Variants in SYT9 observed in about 807,000 individuals in gnomAD.
The protein encoded by SYT9 is synaptotagmin-9.
SYT9 carries 22 observed loss-of-function variants against 48.4 expected under a neutral mutation model. The observed-to-expected ratio is 0.45, with a 90% confidence interval of 0.32 to 0.65. SYT9 has a LOEUF of 0.65. Ranked by LOEUF, SYT9 falls within the 30% of genes least tolerant of loss-of-function variation. The pLI, the probability that SYT9 is intolerant of heterozygous loss-of-function variation, is 0.03. For synonymous variants in SYT9, 265 were observed against 245.0 expected, an observed-to-expected ratio of 1.08 and a Z score of -0.76; for missense variants, 577 against 622.0, an observed-to-expected ratio of 0.93 and a Z score of 0.77.
chr11:7,294,585 G>A (rs1365018700), intron 1 of SYT9, among the ~76,000 whole-genome samples: 2 of 152,196 alleles, frequency 1.3e-5, no homozygotes, highest in African/African-American at 4.8e-5. Context: ...AGAGGTAACA[G>A]GTCCTGGGTA....
At chr11:7,323,190 T>C (rs1224848570) in intron 3 of SYT9, among the ~76,000 whole-genome samples, 2 of 152,138 alleles carry the variant, frequency 1.3e-5, no homozygotes, top group Admixed American at 6.6e-5. Context: ...TGCAGGAATT[T>C]CTGTAAAGTA....
chr11:7,400,081 C>A (rs1431615136), intron 3 of SYT9, among the ~76,000 whole-genome samples: 1 of 152,158 alleles, frequency 6.6e-6, no homozygotes, highest in Non-Finnish European at 1.5e-5. Context: ...GCCATGTGGT[C>A]AGGGTATGCT....
chr11:7,358,853 ATTT>A (rs547144942), intron 3 of SYT9, among the ~76,000 whole-genome samples: 1 of 151,288 alleles, frequency 6.6e-6, no homozygotes, highest in East Asian at 1.9e-4. Flanking sequence ...ATTTCTTCAG[ATTT>A]TTTTTTATTA....
chr11:7,395,161 A>G (rs549545793), intron 3 of SYT9, among the ~76,000 whole-genome samples: 1 of 152,044 alleles, frequency 6.6e-6, no homozygotes, highest in African/African-American at 2.4e-5. Context: ...CTTATCCCTC[A>G]CCCACCTCCC....
intron 3 of SYT9, among the ~76,000 whole-genome samples, chr11:7,367,971 G>C (rs543334980): frequency 6.6e-6 from 1 of 152,132 alleles, no homozygotes. Flanking sequence ...GGCACATACT[G>C]TTATAACTCA....
chr11:7,384,294 T>A (rs1268349073), intron 3 of SYT9, among the ~76,000 whole-genome samples: 2 of 152,182 alleles, frequency 1.3e-5, no homozygotes, highest in Non-Finnish European at 2.9e-5. Flanking sequence ...TTCCATTCTC[T>A]TATATCTAAT....
intron 3 of SYT9, among the ~76,000 whole-genome samples, chr11:7,316,366 G>A (rs774848035): frequency 6.5e-4 from 99 of 152,052 alleles, no homozygotes; most frequent in Admixed American, 3.0e-3. Flanking sequence ...GACAATATGG[G>A]TTTGGGTTTT....
chr11:7,294,930 T>G (rs530567387), intron 1 of SYT9, among the ~76,000 whole-genome samples: 1 of 152,382 alleles, frequency 6.6e-6, no homozygotes, highest in African/African-American at 2.4e-5. Context: ...GGTCCCATCC[T>G]GTAAAATCCA....
At chr11:7,376,274 TTC>T (rs976250060) in intron 3 of SYT9, among the ~76,000 whole-genome samples, 1 of 151,556 alleles carries the variant, frequency 6.6e-6, no homozygotes, top group South Asian at 2.1e-4. Context: ...TCTCTCCCTC[TTC>T]TCTTTCTCTC....
At chr11:7,461,933 T>A (rs1271083585) in intron 6 of SYT9, among the ~76,000 whole-genome samples, 1 of 152,208 alleles carries the variant, frequency 6.6e-6, no homozygotes, top group Non-Finnish European at 1.5e-5. Flanking sequence ...AATGAGCCCC[T>A]CTCAGTAAAT....
rs1849566143 is a variant in SYT9 at position 7,332,911 on chromosome 11, G to A, written c.1044+18970G>A. Among the ~76,000 whole-genome samples the A allele has an allele frequency of 2.0e-5, 3 of 152,204 alleles. No individual in the cohort carries two copies. In the South Asian group the frequency reaches 6.2e-4, roughly 32 times the overall value. On this transcript the variant is annotated intron_variant, in intron 3 of 6. Transcript: ENST00000318881. ...GACCAGTAAGGGAGAACATTCCCCT[G>A]GGACTACATTTAATGGTCTTCTACC...
chr11:7,328,070 A>T (rs970980327), intron 3 of SYT9, among the ~76,000 whole-genome samples: 1 of 9,500 alleles, frequency 1.1e-4, no homozygotes, highest in South Asian at 0.045. Context: ...CTTAAAGTAT[A>T]ATTAAAAATA....
chr11:7,338,355 G>T (rs1173822120), intron 3 of SYT9, among the ~76,000 whole-genome samples: 1 of 152,026 alleles, frequency 6.6e-6, no homozygotes, highest in Non-Finnish European at 1.5e-5. Context: ...ATATTCTTCA[G>T]TTCAGCTCTG....
intron 1 of SYT9, among the ~76,000 whole-genome samples, chr11:7,282,167 C>T (rs1384161646): frequency 6.6e-6 from 1 of 152,100 alleles, no homozygotes; most frequent in Non-Finnish European, 1.5e-5. Context: ...TCCACTCATT[C>T]CAGGTTAGGG....
chr11:7,435,590 G>A (rs1432396943), intron 6 of SYT9: 1 of 152,164 alleles, frequency 6.6e-6, no homozygotes, highest in Admixed American at 6.5e-5. Context: ...ATACAGTGCT[G>A]AGCCCTGTGC....
chr11:7,450,206 G>A (rs1226159644), intron 6 of SYT9, among the ~76,000 whole-genome samples: 4 of 152,198 alleles, frequency 2.6e-5, no homozygotes, highest in African/African-American at 4.8e-5. Context: ...ATAACTGGCC[G>A]AGCTATCAGA....
intron 1 of SYT9, among the ~76,000 whole-genome samples, chr11:7,260,615 T>A (rs1008348280): frequency 2.0e-5 from 3 of 152,174 alleles, no homozygotes; most frequent in Non-Finnish European, 2.9e-5. Flanking sequence ...ACCAGGAGAT[T>A]TCAGTTCCAT....
intron 3 of SYT9, among the ~76,000 whole-genome samples, chr11:7,401,879 C>G (rs1846899833): frequency 6.6e-6 from 1 of 151,460 alleles, no homozygotes; most frequent in African/African-American, 2.4e-5. Context: ...CCTTATATCT[C>G]CTTTTTGTTT....
At chr11:7,416,424 C>G (rs1847250558) in intron 4 of SYT9, among the ~76,000 whole-genome samples, 1 of 152,152 alleles carries the variant, frequency 6.6e-6, no homozygotes, top group Admixed American at 6.5e-5. Flanking sequence ...GCCATGAGAA[C>G]AGTGCTAGCA....
Sources: allele counts gnomAD v4.1 joint callset (sites outside exome capture counted in the v4.1 genomes callset), GRCh38; gene constraint gnomAD v4.1.1; transcripts MANE v1.5; gene names NCBI Gene and HGNC (gene_info 2026-07-23, HGNC 2026-07-21).